Variants in LCP2 observed in about 807,000 individuals in gnomAD.
LCP2 encodes 76 kDa tyrosine phosphoprotein.
LCP2 carries 29 observed loss-of-function variants against 74.5 expected under a neutral mutation model. The observed-to-expected ratio is 0.39, with a 90% CI of 0.29 to 0.53. The LOEUF is 0.53. Among genes scored for constraint, LCP2 ranks in the 20% least tolerant of loss-of-function variants. LCP2 has a pLI of 0.72. For synonymous variants in LCP2, 228 were observed against 229.5 expected (o/e 0.99, Z 0.06); for missense variants, 604 against 634.6 (o/e 0.95, Z 0.52).
intron 6 of LCP2, 126 bp downstream of exon 6, chr5:170,274,175 G>T: frequency 2.0e-6 from 2 of 980,914 alleles, no homozygotes; most frequent in Middle Eastern, 2.4e-4. Flanking sequence ...ACCTTTTCTG[G>T]GCCCTGGGTG....
rs147357408 is a variant in LCP2 at position 170,258,236 on chromosome 5, C to T, written c.971-70G>A. On this transcript the variant is annotated intron_variant, in intron 15 of 20. Transcript: ENST00000046794. ...CTGTCACTAAGAAACATTCCATAAC[C>T]GCCCCCCAGTTAGAAACAGCTAGTA... 6.3e-5 allele frequency: 97 copies of T among 1,536,658 alleles called. No homozygotes were observed. In the African/African-American group the frequency reaches 9.2e-4, roughly 14 times the overall value.
intron 2 of LCP2, among the ~76,000 whole-genome samples, chr5:170,289,523 G>T (rs546730616): frequency 1.1e-4 from 16 of 152,304 alleles, no homozygotes; most frequent in African/African-American, 3.9e-4. Flanking sequence ...GCAGGGTGGG[G>T]CTGGTGAAGG....
intron 1 of LCP2, among the ~76,000 whole-genome samples, chr5:170,294,939 T>C (rs1470231701): frequency 1.3e-5 from 2 of 152,224 alleles, no homozygotes; most frequent in East Asian, 1.9e-4. Context: ...CTTGTGGACC[T>C]CAAATCTGTA....
Position 170,261,119 on chromosome 5 carries a change from G to C in LCP2, c.945C>G (p.Asp315Glu), listed in dbSNP as rs202139928. The C allele has an allele frequency of 3.0e-5, 48 of 1,605,338 alleles. No individual in the cohort carries two copies. The highest frequency in any genetic ancestry group is 2.8e-4 in the African/African-American group (21 of 74,756). The change falls in exon 14 of 21, where the codon GAC becomes GAG. Residue 315 changes from aspartate to glutamate, a missense_variant. Transcript: ENST00000046794. Reference sequence around the variant, plus strand: ...ATTTTGTACTTACATTCTCTCTTCTGTCTGGTCCCCATCCATGCCTGAAAT... The same window carrying C: ...ATTTTGTACTTACATTCTCTCTTCTCTCTGGTCCCCATCCATGCCTGAAAT... ...PPVPKHGWGP[D>E]RRENDEDDVH... is the part of the protein sequence containing the mutation.
chr5:170,264,978 C>CTTT lies in LCP2; in HGVS notation c.772+1827_772+1829dup, dbSNP rs58508083. Among the ~76,000 whole-genome samples the CTTT allele has an allele frequency of 2.1e-4, 23 of 108,998 alleles. 2 individuals carry two copies. Among genetic ancestry groups the CTTT allele is most frequent in the African/African-American group, 6.6e-4 (16 of 24,378 alleles). 71.5% of individuals were successfully genotyped at this position (108,998 alleles called of 152,430 possible). ...CCTGAATAAGTATTTCAAAATTTGC[C>CTTT]TTTTTTTTTTTTTTTTTTTTTTTTT... On this transcript the variant is annotated intron_variant, in intron 10 of 20. Transcript: ENST00000046794.
intron 14 of LCP2, 104 bp from the exon 15 acceptor site, chr5:170,258,982 T>G: frequency 1.3e-6 from 1 of 752,302 alleles, no homozygotes; most frequent in South Asian, 1.6e-5. Flanking sequence ...GGTATCTGTT[T>G]CTTTCTCTGG....
At chr5:170,272,529 T>A (rs1455467037) in intron 6 of LCP2, among the ~76,000 whole-genome samples, 4 of 148,636 alleles carry the variant, frequency 2.7e-5, no homozygotes, top group Non-Finnish European at 4.4e-5. Context: ...CATAATTATA[T>A]AACTAGGAGC....
chr5:170,295,306 A>C (rs1193976985), intron 1 of LCP2, among the ~76,000 whole-genome samples: 1 of 152,252 alleles, frequency 6.6e-6, no homozygotes, highest in Non-Finnish European at 1.5e-5. Flanking sequence ...ACCAGTCTGC[A>C]TGGGTGTCCC....
chr5:170,251,022 T>G, intron 19 of LCP2, 137 bp from the exon 20 acceptor site: 1 of 625,566 alleles, frequency 1.6e-6, no homozygotes, highest in Non-Finnish European at 2.8e-6. Flanking sequence ...GCAAAACCTG[T>G]CATTCAACGA....
intron 17 of LCP2, among the ~76,000 whole-genome samples, chr5:170,254,416 T>C (rs1174471763): frequency 6.6e-6 from 1 of 152,196 alleles, no homozygotes; most frequent in East Asian, 1.9e-4. Flanking sequence ...TAAAGCCTCC[T>C]GAGCCGCATC....
intron 1 of LCP2, among the ~76,000 whole-genome samples, chr5:170,296,563 T>C (rs1762389024): frequency 6.6e-6 from 1 of 152,218 alleles, no homozygotes; most frequent in African/African-American, 2.4e-5. Flanking sequence ...GTCTGGAATA[T>C]CAACAGAATC....
intron 7 of LCP2, among the ~76,000 whole-genome samples, chr5:170,269,860 A>T (rs887977632): frequency 1.3e-5 from 2 of 152,216 alleles, no homozygotes; most frequent in African/African-American, 2.4e-5. Context: ...TTCCCTGTAT[A>T]TGAAACAGAC....
chr5:170,281,473 C>A (rs372028877), intron 3 of LCP2, among the ~76,000 whole-genome samples: 2 of 152,090 alleles, frequency 1.3e-5, no homozygotes, highest in South Asian at 2.1e-4. Context: ...GTAGAAACAG[C>A]GTTTCACTGT....
rs1055076527 is a variant in LCP2 at position 170,289,679 on chromosome 5, C to T, written c.142-1663G>A. 5.5e-3 allele frequency among the ~76,000 whole-genome samples: 739 copies of T among 135,372 alleles called. 3 individuals carry two copies. The highest frequency in any genetic ancestry group is 0.02 in the Middle Eastern group (5 of 250). 88.8% of individuals were successfully genotyped at this position (135,372 alleles called of 152,430 possible). A position where few individuals can be genotyped will look rare whatever the true frequency, so the allele number is the denominator to read the frequency against. ...TTTCTTTCTTTCTTTCTTTCTCTCTCTCTCTCTTTCTTTCTTTCTTTCCTT... is the reference window on the plus strand; with the variant it reads ...TTTCTTTCTTTCTTTCTTTCTCTCTTTCTCTCTTTCTTTCTTTCTTTCCTT... On this transcript the variant is annotated intron_variant, in intron 2 of 20. Coordinates refer to ENST00000046794, the MANE Select transcript of LCP2 (RefSeq NM_005565.5).
chr5:170,288,574 A>G (rs1474437189), intron 2 of LCP2, among the ~76,000 whole-genome samples: 1 of 152,228 alleles, frequency 6.6e-6, no homozygotes, highest in Non-Finnish European at 1.5e-5. Context: ...GGAGGGGAGA[A>G]AGAAACTCAT....
rs369358533 is a variant in LCP2, at chr5:170,267,580, TC to T, written c.622-506del. ...CATTCTGTCCCAGGTCCTTGTCACC[TC>T]CCCCCCCCATACCGTCATGTTACCT... On this transcript the variant is annotated intron_variant, in intron 8 of 20. Transcript: ENST00000046794. Among the ~76,000 whole-genome samples the T allele has an allele frequency of 1.8e-3, 258 of 141,186 alleles. 1 individual carries two copies. Among genetic ancestry groups the T allele is most frequent in the South Asian group, 0.017 (71 of 4,234 alleles). The allele number at this position is 141,186 out of a possible 152,430, so 92.6% of individuals were successfully genotyped here.
intron 7 of LCP2, 55 bp from the exon 8 acceptor site, chr5:170,268,537 G>A: frequency 4.7e-6 from 1 of 211,590 alleles, no homozygotes; most frequent in Non-Finnish European, 1.1e-5. Flanking sequence ...AAGCTCAGGG[G>A]TCTCCAGGAA....
chr5:170,262,496 A>T (rs1253849315), intron 13 of LCP2, 139 bp downstream of exon 13: 2 of 625,118 alleles, frequency 3.2e-6, no homozygotes, highest in East Asian at 5.5e-5. Flanking sequence ...AAGCCTGAAC[A>T]TCCCTCAAGC....
chr5:170,272,592 A>ATCTTCTTT (rs1761913008), intron 6 of LCP2, among the ~76,000 whole-genome samples: 1 of 34,312 alleles, frequency 2.9e-5, no homozygotes, highest in African/African-American at 8.9e-5. Flanking sequence ...CCCATCAAAT[A>ATCTTCTTT]TTTTCTTTTT....
Sources: allele counts gnomAD v4.1 joint callset (sites outside exome capture counted in the v4.1 genomes callset), GRCh38; gene constraint gnomAD v4.1.1; transcripts MANE v1.5; gene names NCBI Gene and HGNC (gene_info 2026-07-23, HGNC 2026-07-21).